The following DENND1A variants were observed in gnomAD, a reference collection of about 807,000 sequenced individuals.
DENND1A encodes DENN domain-containing protein 1A.
A neutral mutation model predicts 113.7 loss-of-function variants in DENND1A; 51 were observed. The observed-to-expected ratio is 0.45, with a 90% CI of 0.36 to 0.57. The LOEUF (loss-of-function observed/expected upper bound fraction) is 0.57, where lower values mean the gene tolerates loss of function less well. Ranked by LOEUF, DENND1A falls within the 20% of genes least tolerant of loss-of-function variation. DENND1A has a pLI of 0.00. For missense variants in DENND1A, 1,258 were observed against 1,395.9 expected (o/e 0.90, Z 1.57); for synonymous variants, 565 against 570.8 (o/e 0.99, Z 0.14).
At chr9:123,863,610 A>C (rs1387756322) in intron 2 of DENND1A, among the ~76,000 whole-genome samples, 3 of 152,058 alleles carry the variant, frequency 2.0e-5, no homozygotes, top group African/African-American at 7.3e-5. Context: ...AAAAAAAAAA[A>C]ACAACTTTGG....
intron 5 of DENND1A, among the ~76,000 whole-genome samples, chr9:123,746,858 C>T (rs1276672492): frequency 6.6e-6 from 1 of 151,998 alleles, no homozygotes; most frequent in African/African-American, 2.4e-5. Context: ...TCAATATTGG[C>T]TATATTTTTC....
intron 2 of DENND1A, among the ~76,000 whole-genome samples, chr9:123,833,089 C>T (rs1441400432): frequency 2.3e-5 from 3 of 130,102 alleles, no homozygotes; most frequent in Non-Finnish European, 4.7e-5. Flanking sequence ...TGCGCCACTG[C>T]GCTCCGGTCT....
rs948291402 is a variant in DENND1A at position 123,878,832 on chromosome 9, G to C, written c.88+119C>G. The C allele has an allele frequency of 6.5e-6, 6 of 918,216 alleles. No individual in the cohort carries two copies. In the East Asian group the frequency reaches 1.6e-4, roughly 25 times the overall value. The allele number at this position is 918,216 out of a possible 1,614,324, so 56.9% of individuals were successfully genotyped here. On this transcript the variant is annotated intron_variant, in intron 2 of 23. Coordinates refer to ENST00000394215, the MANE Select transcript of DENND1A (RefSeq NM_001352964.2). ...ATGTGAGCATGAATAAAAGGAAAAA[G>C]GCACTTAAACATACTTAAAGACAAA...
intron 13 of DENND1A, among the ~76,000 whole-genome samples, chr9:123,483,709 G>A (rs1443734069): frequency 1.3e-5 from 2 of 152,202 alleles, no homozygotes; most frequent in Admixed American, 1.3e-4. Context: ...TGGCTCTGTC[G>A]CTCATTATCC....
intron 11 of DENND1A, among the ~76,000 whole-genome samples, chr9:123,607,978 A>C (rs2060248980): frequency 6.6e-6 from 1 of 152,184 alleles, no homozygotes; most frequent in African/African-American, 2.4e-5. Flanking sequence ...GTCCATTGGT[A>C]AGTATTTACT....
intron 5 of DENND1A, among the ~76,000 whole-genome samples, chr9:123,692,306 A>G (rs1001105711): frequency 1.3e-5 from 2 of 152,230 alleles, no homozygotes; most frequent in African/African-American, 2.4e-5. Flanking sequence ...CACATTTTGA[A>G]TGATTTTAAA....
chr9:123,497,271 G>A (rs186346299), intron 13 of DENND1A, among the ~76,000 whole-genome samples: 4 of 152,318 alleles, frequency 2.6e-5, no homozygotes, highest in Admixed American at 2.6e-4. Context: ...CTCAGAAAAC[G>A]TTTCCTGAAG....
At chr9:123,853,526 T>TTACA (rs1268366007) in intron 2 of DENND1A, among the ~76,000 whole-genome samples, 3 of 151,768 alleles carry the variant, frequency 2.0e-5, no homozygotes, top group African/African-American at 7.3e-5. Flanking sequence ...TAGCCAGGCA[T>TTACA]GGTGGCAGGC....
At chr9:123,558,570 G>C (rs1489429663) in intron 12 of DENND1A, among the ~76,000 whole-genome samples, 2 of 152,156 alleles carry the variant, frequency 1.3e-5, no homozygotes, top group Non-Finnish European at 2.9e-5. Context: ...AGCAAGGAGG[G>C]AAAGATGAAG....
intron 2 of DENND1A, among the ~76,000 whole-genome samples, chr9:123,876,682 T>C (rs758426232): frequency 1.3e-5 from 2 of 152,180 alleles, no homozygotes; most frequent in Non-Finnish European, 2.9e-5. Context: ...ACTCTTAAAA[T>C]AGTCTCAAAA....
chr9:123,438,144 G>A (rs1450006657), intron 19 of DENND1A, among the ~76,000 whole-genome samples: 2 of 152,204 alleles, frequency 1.3e-5, no homozygotes, highest in Non-Finnish European at 2.9e-5. Flanking sequence ...TAAAACTCAT[G>A]CCTGCCGGTA....
intron 2 of DENND1A, among the ~76,000 whole-genome samples, chr9:123,801,784 A>G (rs1338087048): frequency 6.6e-6 from 1 of 152,230 alleles, no homozygotes; most frequent in Non-Finnish European, 1.5e-5. Context: ...CAACCCAGCC[A>G]ATTTCATATC....
At chr9:123,560,108 C>A (rs1037787925) in intron 12 of DENND1A, among the ~76,000 whole-genome samples, 7 of 152,170 alleles carry the variant, frequency 4.6e-5, no homozygotes, top group African/African-American at 1.7e-4. Flanking sequence ...GACATTTGGG[C>A]TGTTTCTACT....
At chr9:123,395,468 C>CTCTCTCTCTCTGTGTGTG (rs367751848) in intron 21 of DENND1A, among the ~76,000 whole-genome samples, 2 of 142,890 alleles carry the variant, frequency 1.4e-5, no homozygotes, top group African/African-American at 5.4e-5. Flanking sequence ...CTCTCTCTCT[C>CTCTCTCTCTCTGTGTGTG]TGTGTGTGTG....
chr9:123,849,392 T>C (rs1843034409), intron 2 of DENND1A, among the ~76,000 whole-genome samples: 1 of 152,252 alleles, frequency 6.6e-6, no homozygotes, highest in Non-Finnish European at 1.5e-5. Context: ...ATAGCATGTA[T>C]TACTATTTAG....
chr9:123,490,911 G>A (rs1031377284), intron 13 of DENND1A, among the ~76,000 whole-genome samples: 1 of 152,204 alleles, frequency 6.6e-6, no homozygotes, highest in Non-Finnish European at 1.5e-5. Context: ...TACTGAATGC[G>A]ACAAGGCTGG....
At chr9:123,572,113 G>A (rs939783118) in intron 12 of DENND1A, among the ~76,000 whole-genome samples, 1 of 152,090 alleles carries the variant, frequency 6.6e-6, no homozygotes, top group African/African-American at 2.4e-5. Flanking sequence ...AGATACAGAC[G>A]GTCCATCATC....
At chr9:123,589,647 GAAAAA>G (rs58211177) in intron 11 of DENND1A, among the ~76,000 whole-genome samples, 28 of 35,430 alleles carry the variant, frequency 7.9e-4, no homozygotes, top group African/African-American at 2.2e-3. Context: ...TTCTCAGAAT[GAAAAA>G]AAAAAAAAAA....
chr9:123,567,155 A>G (rs2058101061), intron 12 of DENND1A, among the ~76,000 whole-genome samples: 1 of 152,150 alleles, frequency 6.6e-6, no homozygotes, highest in South Asian at 2.1e-4. Context: ...TTCCCCCCAT[A>G]CTTCTGGCAG....
Sources: gnomAD v4.1 joint callset for allele counts (sites outside exome capture counted in the v4.1 genomes callset) on GRCh38, gnomAD v4.1.1 for gene constraint, MANE v1.5 for transcripts, NCBI Gene and HGNC (gene_info 2026-07-23, HGNC 2026-07-21) for gene names.